The following LOC400499 variants were observed in gnomAD, a reference collection of about 807,000 sequenced individuals.
At chr16:11,524,361 G>GCCCCCCCC in the LOC400499 span, among the ~76,000 whole-genome samples, 24 of 93,740 alleles carry the variant, frequency 2.6e-4, no homozygotes, top group Admixed American at 4.0e-4. Context: ...CATCCACCCA[G>GCCCCCCCC]CCACCCACCC....
At chr16:11,516,782 A>G in the LOC400499 span, among the ~76,000 whole-genome samples, 3,939 of 152,152 alleles carry the variant, frequency 0.026, 180 homozygotes, top group African/African-American at 0.09. Flanking sequence ...AATGGCTGGG[A>G]CCACAGACAT....
At chr16:11,384,903 C>A in the LOC400499 span, 26 of 1,232,176 alleles carry the variant, frequency 2.1e-5, no homozygotes, top group Non-Finnish European at 2.5e-5. Context: ...TGCCAGAGGC[C>A]CAGAGTCAGG....
At chr16:11,416,948 C>T in the LOC400499 span, among the ~76,000 whole-genome samples, 5 of 151,338 alleles carry the variant, frequency 3.3e-5, no homozygotes, top group South Asian at 1.0e-3. Context: ...TTGACTTTCA[C>T]CCTGTGTGAT....
the LOC400499 span, chr16:11,460,850 T>C: frequency 7.4e-7 from 1 of 1,358,164 alleles, no homozygotes; most frequent in South Asian, 1.5e-5. Flanking sequence ...ACAGAATGAC[T>C]AATGGAAAAC....
chr16:11,483,818 T>A, the LOC400499 span, among the ~76,000 whole-genome samples: 1 of 151,622 alleles, frequency 6.6e-6, no homozygotes, highest in South Asian at 2.1e-4. Context: ...AAGGTTGCAA[T>A]GAGCCAAGAT....
At chr16:11,383,353 C>T in the LOC400499 span, among the ~76,000 whole-genome samples, 1 of 152,182 alleles carries the variant, frequency 6.6e-6, no homozygotes, top group Admixed American at 6.5e-5. Flanking sequence ...AGGCGTGAGC[C>T]ACCGTGCCCA....
At chr16:11,398,332 T>C in the LOC400499 span, 2 of 1,232,192 alleles carry the variant, frequency 1.6e-6, no homozygotes, top group Admixed American at 4.2e-5. Flanking sequence ...TGCCCCCTTC[T>C]GCAGGGCAGA....
the LOC400499 span, among the ~76,000 whole-genome samples, chr16:11,416,969 G>A: frequency 6.6e-6 from 1 of 152,110 alleles, no homozygotes; most frequent in Non-Finnish European, 1.5e-5. Flanking sequence ...CGGGACGGCT[G>A]TACTGTATTG....
chr16:11,432,410 G>T, the LOC400499 span, among the ~76,000 whole-genome samples: 1 of 152,188 alleles, frequency 6.6e-6, no homozygotes, highest in African/African-American at 2.4e-5. Context: ...CCTTACAAAA[G>T]CCCTGTGAGT....
At chr16:11,406,927 C>T in the LOC400499 span, among the ~76,000 whole-genome samples, 49 of 152,312 alleles carry the variant, frequency 3.2e-4, no homozygotes, top group East Asian at 5.0e-3. Flanking sequence ...CAATCTCCCC[C>T]GCTAGAGTGG....
chr16:11,418,674 C>T, the LOC400499 span, among the ~76,000 whole-genome samples: 1 of 152,210 alleles, frequency 6.6e-6, no homozygotes, highest in East Asian at 1.9e-4. Context: ...ATCGAGACCC[C>T]ATTCCGGTAA....
the LOC400499 span, among the ~76,000 whole-genome samples, chr16:11,521,246 T>C: frequency 1.3e-5 from 2 of 152,110 alleles, no homozygotes; most frequent in East Asian, 3.9e-4. Flanking sequence ...CATCACAATA[T>C]GAGATGAGAC....
At chr16:11,393,366 G>A in the LOC400499 span, 1 of 1,231,372 alleles carries the variant, frequency 8.1e-7, no homozygotes, top group Non-Finnish European at 1.0e-6. Context: ...CCAGCTAGCT[G>A]AGCTGGGACC....
chr16:11,515,226 A>G, the LOC400499 span, among the ~76,000 whole-genome samples: 2 of 151,924 alleles, frequency 1.3e-5, no homozygotes, highest in Non-Finnish European at 2.9e-5. Context: ...CAGGAGGATC[A>G]CTTGAGCTCA....
At chr16:11,391,443 G>C in the LOC400499 span, among the ~76,000 whole-genome samples, 1 of 152,202 alleles carries the variant, frequency 6.6e-6, no homozygotes, top group Non-Finnish European at 1.5e-5. Context: ...TGAGCTTGGA[G>C]ACTCTGTAAA....
chr16:11,391,616 G>T, the LOC400499 span: 2 of 1,221,506 alleles, frequency 1.6e-6, no homozygotes, highest in Middle Eastern at 3.1e-4. Flanking sequence ...GGTGGAGAGG[G>T]GGGACATTGA....
the LOC400499 span, chr16:11,508,849 T>G: frequency 8.8e-5 from 35 of 399,068 alleles, no homozygotes; most frequent in East Asian, 1.1e-3. Context: ...GTCTCTATCA[T>G]CTGGATCTGA....
the LOC400499 span, among the ~76,000 whole-genome samples, chr16:11,419,578 G>A: frequency 1.8e-4 from 28 of 152,236 alleles, no homozygotes; most frequent in Middle Eastern, 3.4e-3. Flanking sequence ...AAGCAATGGC[G>A]ACAAAAGCCA....
At chr16:11,417,799 T>C in the LOC400499 span, 5 of 398,926 alleles carry the variant, frequency 1.3e-5, no homozygotes, top group East Asian at 7.1e-5. Context: ...GCGTCCAGAA[T>C]GCTCGAAGCC....
Sources: allele counts gnomAD v4.1 joint callset (sites outside exome capture counted in the v4.1 genomes callset), GRCh38; gene constraint gnomAD v4.1.1; transcripts MANE v1.5.